Variants in PRLR observed in about 807,000 individuals in gnomAD.
PRLR encodes hPRL receptor.
In PRLR, 13 loss-of-function variants were observed where a neutral mutation model predicts 40.2. The ratio of observed to expected loss-of-function variants is 0.32; its 90% CI spans 0.21 to 0.51. The LOEUF is 0.51. Among genes scored for constraint, PRLR ranks in the 20% least tolerant of loss-of-function variants. The pLI is 0.97. For synonymous variants in PRLR, 269 were observed against 278.7 expected, an observed-to-expected ratio of 0.97 and a Z score of 0.35; for missense variants, 656 against 747.3, an observed-to-expected ratio of 0.88 and a Z score of 1.42.
chr5:35,077,693 A>C (rs1403229506), intron 5 of PRLR, among the ~76,000 whole-genome samples: 1 of 152,344 alleles, frequency 6.6e-6, no homozygotes, highest in South Asian at 2.1e-4. Context: ...TCAGCTCTGC[A>C]CCAAGCGGAC....
In PRLR at chr5:35,084,489, A is replaced by G; in HGVS notation, c.354T>C (p.Tyr118=). 1 of 1,574,132 alleles carries G rather than the reference A, an allele frequency of 6.4e-7. No individual in the cohort carries two copies. Among genetic ancestry groups the G allele is most frequent in the Non-Finnish European group, 8.6e-7 (1 of 1,167,060 alleles). The change falls in exon 5 of 10, where the codon TAT becomes TAC. Residue 118 remains tyrosine, a synonymous_variant. Coordinates refer to ENST00000618457, the MANE Select transcript of PRLR (RefSeq NM_000949.7). ...QMGSSFSDEL[Y]VDVTYIVQPD... ...CCTTACCTATGTAAGTCACGTCCAC[A>G]TAAAGTTCATCCGAGAAACTGCTTC...
At chr5:35,172,260 G>A (rs1489292718) in intron 1 of PRLR, among the ~76,000 whole-genome samples, 1 of 152,214 alleles carries the variant, frequency 6.6e-6, no homozygotes, top group Non-Finnish European at 1.5e-5. Context: ...TGCCTCTCCT[G>A]TCTTCACCCT....
intron 1 of PRLR, among the ~76,000 whole-genome samples, chr5:35,138,135 C>A (rs979611620): frequency 6.6e-6 from 1 of 152,062 alleles, no homozygotes; most frequent in Admixed American, 6.6e-5. Context: ...TGAAAATGTT[C>A]GACAAAAATT....
In PRLR at chr5:35,148,938, A is replaced by AAT. The variant is rs1412728322; in HGVS notation, c.-105-30818_-105-30817dup. ...TATAGATACAGAATTTTAAATATCA[A>AAT]ATATATATATACACAAAAATACACA... On this transcript the variant is annotated intron_variant, in intron 1 of 9. Coordinates refer to ENST00000618457, the MANE Select transcript of PRLR (RefSeq NM_000949.7). 9.9e-5 allele frequency among the ~76,000 whole-genome samples: 15 copies of AAT among 152,010 alleles called. No homozygotes were observed. The East Asian group carries it at 1.5e-3, about 16-fold the overall frequency.
chr5:35,198,060 T>C (rs1444644239), intron 1 of PRLR, among the ~76,000 whole-genome samples: 8 of 152,208 alleles, frequency 5.3e-5, no homozygotes, highest in Non-Finnish European at 1.2e-4. Flanking sequence ...TCTTTTACAA[T>C]ATCTTTCAGC....
intron 1 of PRLR, among the ~76,000 whole-genome samples, chr5:35,176,754 A>G: frequency 6.6e-6 from 1 of 152,166 alleles, no homozygotes; most frequent in East Asian, 1.9e-4. Context: ...AGTCTGAAAT[A>G]CGGCCTCGTG....
chr5:35,075,237 G>T (rs543638911), intron 5 of PRLR, among the ~76,000 whole-genome samples: 56 of 152,276 alleles, frequency 3.7e-4, no homozygotes, highest in Middle Eastern at 3.4e-3. Flanking sequence ...AGCAGGGCAG[G>T]TCATTGTCTC....
rs370854730 is a variant in PRLR at position 35,058,802 on chromosome 5, AAC to A, written c.*6285_*6286del. 527 of 152,336 alleles carry A rather than the reference AAC, an allele frequency of 3.5e-3. 4 individuals carry two copies. Among genetic ancestry groups the A allele is most frequent in the African/African-American group, 0.012 (497 of 41,584 alleles). The allele number at this position is 152,336 out of a possible 1,614,324, so 9.4% of individuals were successfully genotyped here. A position where few individuals can be genotyped will look rare whatever the true frequency, so the allele number is the denominator to read the frequency against. On this transcript the variant is annotated 3_prime_UTR_variant, in exon 10 of 10. Coordinates refer to ENST00000618457, the MANE Select transcript of PRLR (RefSeq NM_000949.7). ...AAAGCAATATAGTACAAAATAATGT[AAC>A]AGTTACTGTAAAGTCAGTAATGCCA...
intron 1 of PRLR, among the ~76,000 whole-genome samples, chr5:35,118,812 G>A (rs940027905): frequency 6.6e-6 from 1 of 151,046 alleles, no homozygotes; most frequent in East Asian, 1.9e-4. Context: ...TTTTGACAGG[G>A]TCTTACTGTG....
At chr5:35,054,001 T>C (rs1034046207), downstream of PRLR, among the ~76,000 whole-genome samples, 2 of 152,198 alleles carry the variant, frequency 1.3e-5, no homozygotes, top group Non-Finnish European at 2.9e-5. Flanking sequence ...TGGGCATATG[T>C]AGACACTCAG....
chr5:35,081,897 C>T (rs1296359447), intron 5 of PRLR: 9 of 194,810 alleles, frequency 4.6e-5, no homozygotes, highest in Non-Finnish European at 7.7e-5. Context: ...GGGCTGGCAT[C>T]GCCCTCAACA....
At chr5:35,049,671 A>G (rs1282803789) in intron 8 of PRLR, among the ~76,000 whole-genome samples, 2 of 152,192 alleles carry the variant, frequency 1.3e-5, no homozygotes, top group African/African-American at 2.4e-5. Flanking sequence ...GCTGTTTCAG[A>G]AACTGAAAGT....
downstream of PRLR, among the ~76,000 whole-genome samples, chr5:35,054,630 T>C (rs1483538807): frequency 6.6e-6 from 1 of 152,170 alleles, no homozygotes; most frequent in Non-Finnish European, 1.5e-5. Flanking sequence ...ACCACAGCAG[T>C]TGTATGCATA....
chr5:35,162,954 C>A (rs1774719808), intron 1 of PRLR, among the ~76,000 whole-genome samples: 1 of 152,140 alleles, frequency 6.6e-6, no homozygotes, highest in African/African-American at 2.4e-5. Flanking sequence ...CTTGTTGAAT[C>A]ACACATACCT....
chr5:35,129,602 C>T (rs561248577), intron 1 of PRLR, among the ~76,000 whole-genome samples: 43 of 152,210 alleles, frequency 2.8e-4, no homozygotes, highest in African/African-American at 1.0e-3. Context: ...GAAGCTTTGC[C>T]AAATCCACCC....
At chr5:35,182,904 A>T (rs1026621108) in intron 1 of PRLR, among the ~76,000 whole-genome samples, 1 of 152,230 alleles carries the variant, frequency 6.6e-6, no homozygotes, top group Admixed American at 6.5e-5. Flanking sequence ...GATTTTCCAT[A>T]TATGAAACAG....
chr5:35,207,803 G>C (rs1376849232), intron 1 of PRLR, among the ~76,000 whole-genome samples: 1 of 152,028 alleles, frequency 6.6e-6, no homozygotes, highest in Non-Finnish European at 1.5e-5. Flanking sequence ...TGTGACTTTT[G>C]AAATTATTTT....
intron 2 of PRLR, among the ~76,000 whole-genome samples, chr5:35,104,024 G>A (rs113909192): frequency 6.6e-6 from 1 of 152,122 alleles, no homozygotes; most frequent in South Asian, 2.1e-4. Flanking sequence ...GGTCAGTATG[G>A]GGAGAGCAGT....
At chr5:35,076,108 A>G (rs964188316) in intron 5 of PRLR, among the ~76,000 whole-genome samples, 6 of 152,230 alleles carry the variant, frequency 3.9e-5, no homozygotes, top group Non-Finnish European at 8.8e-5. Flanking sequence ...AGAAAAGCTG[A>G]ACATTTTAAA....
Sources: allele counts gnomAD v4.1 joint callset (sites outside exome capture counted in the v4.1 genomes callset), GRCh38; gene constraint gnomAD v4.1.1; transcripts MANE v1.5; gene names NCBI Gene and HGNC (gene_info 2026-07-23, HGNC 2026-07-21).